The following KCNIP3 variants were observed in gnomAD, a reference collection of about 807,000 sequenced individuals.
KCNIP3 encodes potassium voltage-gated channel interacting protein 3.
KCNIP3 carries 28 observed loss-of-function variants against 35.0 expected under a neutral mutation model. That is an observed-to-expected ratio of 0.80 (90% CI 0.59 to 1.10). The LOEUF (loss-of-function observed/expected upper bound fraction) is 1.10, where lower values mean the gene tolerates loss of function less well. Among genes scored for constraint, KCNIP3 ranks in the 50% least tolerant of loss-of-function variants. The pLI is 0.00. For missense variants in KCNIP3, 295 were observed against 338.4 expected, an observed-to-expected ratio of 0.87 and a Z score of 1.01; for synonymous variants, 134 against 133.8, an observed-to-expected ratio of 1.00 and a Z score of -0.01.
intron 2 of KCNIP3, among the ~76,000 whole-genome samples, chr2:95,373,208 C>G (rs1404037166): frequency 6.6e-6 from 1 of 152,132 alleles, no homozygotes; most frequent in African/African-American, 2.4e-5. Context: ...AGGTGGCGCT[C>G]TGTAATTATG....
intron 5 of KCNIP3, among the ~76,000 whole-genome samples, chr2:95,380,221 G>A (rs1269908774): frequency 1.3e-5 from 2 of 152,094 alleles, no homozygotes; most frequent in East Asian, 3.9e-4. Flanking sequence ...CTTTTTTCCA[G>A]TTACCTCTTT....
chr2:95,314,852 G>A (rs767214018), intron 2 of KCNIP3, among the ~76,000 whole-genome samples: 2 of 152,262 alleles, frequency 1.3e-5, no homozygotes, highest in East Asian at 1.9e-4. Flanking sequence ...GGGCCTTTGC[G>A]TGTTTTCCCG....
intron 2 of KCNIP3, among the ~76,000 whole-genome samples, chr2:95,317,577 C>G (rs1254444904): frequency 6.6e-6 from 1 of 152,134 alleles, no homozygotes; most frequent in African/African-American, 2.4e-5. Flanking sequence ...GAAGCAGGGA[C>G]AGAAAGCAGA....
intron 2 of KCNIP3, among the ~76,000 whole-genome samples, chr2:95,343,731 C>G (rs1469170260): frequency 6.6e-6 from 1 of 152,034 alleles, no homozygotes; most frequent in Non-Finnish European, 1.5e-5. Flanking sequence ...AGAGTGTGGC[C>G]CAGGCAGGTG....
chr2:95,381,072 C>T (rs1361330753), intron 5 of KCNIP3, among the ~76,000 whole-genome samples: 2 of 152,172 alleles, frequency 1.3e-5, no homozygotes, highest in African/African-American at 4.8e-5. Flanking sequence ...GCACCTTTGC[C>T]ATGCAGATGC....
intron 2 of KCNIP3, among the ~76,000 whole-genome samples, chr2:95,315,972 TGG>T (rs1317651059): frequency 1.3e-5 from 2 of 152,192 alleles, no homozygotes; most frequent in African/African-American, 2.4e-5. Context: ...CGATTGCTGT[TGG>T]GTGTTTCGGG....
At chr2:95,327,859 C>A (rs1376604117) in intron 2 of KCNIP3, among the ~76,000 whole-genome samples, 1 of 152,246 alleles carries the variant, frequency 6.6e-6, no homozygotes, top group East Asian at 1.9e-4. Flanking sequence ...GCCAGGGAAG[C>A]CTTCCCCTCT....
At chr2:95,330,968 G>A (rs978044062) in intron 2 of KCNIP3, among the ~76,000 whole-genome samples, 10 of 152,354 alleles carry the variant, frequency 6.6e-5, no homozygotes, top group African/African-American at 2.4e-4. Context: ...GGTGCCTAGG[G>A]CAGGGCCTGC....
intron 2 of KCNIP3, among the ~76,000 whole-genome samples, chr2:95,364,786 A>C (rs1046991319): frequency 6.6e-6 from 1 of 152,182 alleles, no homozygotes; most frequent in African/African-American, 2.4e-5. Context: ...AGATGCCAGC[A>C]CTGTGCTTTG....
At chr2:95,302,599 G>A (rs1298182024) in intron 1 of KCNIP3, among the ~76,000 whole-genome samples, 2 of 152,216 alleles carry the variant, frequency 1.3e-5, no homozygotes, top group African/African-American at 4.8e-5. Flanking sequence ...TCCCCCACTG[G>A]GGGCTTTGTC....
intron 1 of KCNIP3, among the ~76,000 whole-genome samples, chr2:95,307,576 C>T (rs530113258): frequency 7.9e-5 from 12 of 152,338 alleles, no homozygotes; most frequent in South Asian, 2.1e-4. Flanking sequence ...GCTCAGCCTG[C>T]CCTTTGGGCT....
chr2:95,333,359 C>T (rs1173271895), intron 2 of KCNIP3, among the ~76,000 whole-genome samples: 4 of 152,220 alleles, frequency 2.6e-5, no homozygotes, highest in Admixed American at 2.0e-4. Flanking sequence ...ACCTAGGCCT[C>T]TTCTAACTCT....
intron 2 of KCNIP3, among the ~76,000 whole-genome samples, chr2:95,349,200 C>T (rs1470711321): frequency 6.6e-6 from 1 of 152,108 alleles, no homozygotes; most frequent in Non-Finnish European, 1.5e-5. Flanking sequence ...CAGGCAGTGT[C>T]TAAGGAACTG....
intron 2 of KCNIP3, among the ~76,000 whole-genome samples, chr2:95,326,050 C>A (rs1573492293): frequency 6.6e-6 from 1 of 151,600 alleles, no homozygotes; most frequent in Non-Finnish European, 1.5e-5. Flanking sequence ...CTCATATACA[C>A]ACACACATAC....
chr2:95,352,557 C>T (rs115991584), intron 2 of KCNIP3, among the ~76,000 whole-genome samples: 2,012 of 152,262 alleles, frequency 0.013, 16 homozygotes, highest in Middle Eastern at 0.051. Flanking sequence ...CCAGCCTTCC[C>T]CCCAGCCCTC....
rs1241947318 is a variant in KCNIP3 at position 95,378,580 on chromosome 2, C to CAA, written c.448-3001_448-3000dup. On this transcript the variant is annotated intron_variant, in intron 5 of 8. Coordinates refer to ENST00000295225, the MANE Select transcript of KCNIP3 (RefSeq NM_013434.5). This position sits in a 1 kb window ranked among gnomAD's most constrained non-coding sequence, Gnocchi z 4.0. Reference sequence around the variant, plus strand: ...CGAAACCCCGTCTCTACTAAAAATACAAAAAAAAAAAAAAAATTAGCTGGG... The same window carrying CAA: ...CGAAACCCCGTCTCTACTAAAAATACAAAAAAAAAAAAAAAAAATTAGCTGGG... Among the ~76,000 whole-genome samples, 24 of 110,268 alleles carry CAA rather than the reference C, an allele frequency of 2.2e-4. No individual in the cohort carries two copies. The highest frequency in any genetic ancestry group is 4.5e-4 in the Admixed American group (5 of 11,132). The allele number at this position is 110,268 out of a possible 152,430, so 72.3% of individuals were successfully genotyped here. A position where few individuals can be genotyped will look rare whatever the true frequency, so the allele number is the denominator to read the frequency against.
chr2:95,339,733 T>A (rs1314670036), intron 2 of KCNIP3, among the ~76,000 whole-genome samples: 1 of 152,218 alleles, frequency 6.6e-6, no homozygotes, highest in Non-Finnish European at 1.5e-5. Context: ...AAGCCTTCAA[T>A]ACCTGGTATC....
chr2:95,346,493 G>A (rs951981753), intron 2 of KCNIP3, among the ~76,000 whole-genome samples: 16 of 149,754 alleles, frequency 1.1e-4, no homozygotes, highest in African/African-American at 1.7e-4. Context: ...GGCGCGGGGG[G>A]GCCGCAGGGA....
At chr2:95,326,744 A>C (rs1287182560) in intron 2 of KCNIP3, among the ~76,000 whole-genome samples, 2 of 152,156 alleles carry the variant, frequency 1.3e-5, no homozygotes, top group Non-Finnish European at 2.9e-5. Context: ...CCAAACCCTG[A>C]TTTCCGTTGG....
Sources: gnomAD v4.1 joint callset for allele counts (sites outside exome capture counted in the v4.1 genomes callset) on GRCh38, gnomAD v4.1.1 for gene constraint, Gnocchi (gnomAD v3.1) non-coding constraint, MANE v1.5 for transcripts, NCBI Gene and HGNC (gene_info 2026-07-23, HGNC 2026-07-21) for gene names.